Variants in GLI3 observed in about 807,000 individuals in gnomAD.
GLI3 encodes GLI family zinc finger 3.
A neutral mutation model predicts 100.8 loss-of-function variants in GLI3; 20 were observed. That is an observed-to-expected ratio of 0.20 (90% CI 0.14 to 0.29). The LOEUF (loss-of-function observed/expected upper bound fraction) is 0.29, where lower values mean the gene tolerates loss of function less well. GLI3 is among the 10% of genes least tolerant of loss of function. The probability of loss-of-function intolerance (pLI) is 1.00; values close to 1 mark genes in which losing one functional copy is unlikely to be tolerated. For synonymous variants in GLI3, 938 were observed against 860.5 expected (o/e 1.09, Z -1.58); for missense variants, 2,040 against 2,128.5 (o/e 0.96, Z 0.82).
In GLI3 at chr7:42,048,511, C is replaced by A; in HGVS notation, c.659G>T (p.Arg220Leu). 6.2e-7 allele frequency: 1 copy of A among 1,612,566 alleles called. No homozygotes were observed. Among genetic ancestry groups the A allele is most frequent in the African/African-American group, 1.3e-5 (1 of 74,732 alleles). Residue 220 changes from arginine (R) to leucine (L), a missense_variant, in exon 5 of 15, where the codon CGT becomes CTT. By Grantham distance (102) the Arg-to-Leu change is moderately radical (BLOSUM62 -2). This residue lies in a region of GLI3 where 603 missense variants were observed against 690.9 expected (regional missense o/e 0.87). Coordinates refer to ENST00000395925, the MANE Select transcript of GLI3 (RefSeq NM_000168.6). ...SPSLSMISAT[R>L]GLSPTDAPHA... Reference sequence around the variant, plus strand: ...CTTACCATCTGTAGGGCTCAGCCCACGGGTTGCTGAGATCATGGAGAGCGA... The same window carrying A: ...CTTACCATCTGTAGGGCTCAGCCCAAGGGTTGCTGAGATCATGGAGAGCGA...
chr7:42,070,764 G>T (rs913576725), intron 4 of GLI3, among the ~76,000 whole-genome samples: 2 of 151,848 alleles, frequency 1.3e-5, no homozygotes, highest in Admixed American at 6.6e-5. Context: ...ATATTGCTAT[G>T]GTCTTCTTAA....
chr7:42,260,534 A>G (rs1420169042), intron 1 of GLI3, among the ~76,000 whole-genome samples: 2 of 152,212 alleles, frequency 1.3e-5, no homozygotes, highest in Non-Finnish European at 2.9e-5. Flanking sequence ...AAACTAAACA[A>G]TTACCTCTTG....
chr7:42,079,756 T>A (rs1438501111), intron 3 of GLI3, among the ~76,000 whole-genome samples: 1 of 152,230 alleles, frequency 6.6e-6, no homozygotes, highest in Non-Finnish European at 1.5e-5. Context: ...TTCTGCATGA[T>A]GAAATTCTCT....
intron 2 of GLI3, among the ~76,000 whole-genome samples, chr7:42,200,658 G>A (rs1279852077): frequency 6.6e-6 from 1 of 152,158 alleles, no homozygotes; most frequent in African/African-American, 2.4e-5. Context: ...CTGAACAAAT[G>A]CTTCTCATTT....
intron 10 of GLI3, 85 bp downstream of exon 10, chr7:42,023,383 G>T: frequency 7.1e-7 from 1 of 1,414,638 alleles, no homozygotes; most frequent in South Asian, 1.2e-5. Flanking sequence ...TAAGAAACTT[G>T]ACTCAGCTCA....
chr7:41,969,002 C>T (rs189118756), intron 13 of GLI3, among the ~76,000 whole-genome samples: 72 of 152,294 alleles, frequency 4.7e-4, no homozygotes, highest in African/African-American at 1.7e-3. Flanking sequence ...TGCCTCCTCT[C>T]GCTCCCAGGG....
intron 10 of GLI3, among the ~76,000 whole-genome samples, chr7:42,013,499 G>A (rs1253560311): frequency 6.6e-6 from 1 of 151,976 alleles, no homozygotes; most frequent in Non-Finnish European, 1.5e-5. Context: ...AAGTAGCTGG[G>A]ACTACAGGTG....
chr7:42,005,488 CA>C (rs1203622590), intron 10 of GLI3, among the ~76,000 whole-genome samples: 4 of 151,958 alleles, frequency 2.6e-5, no homozygotes, highest in Non-Finnish European at 5.9e-5. Flanking sequence ...CACACACACA[CA>C]CACACACAGA....
intron 3 of GLI3, among the ~76,000 whole-genome samples, chr7:42,132,604 C>T (rs896084764): frequency 6.6e-6 from 1 of 152,124 alleles, no homozygotes; most frequent in African/African-American, 2.4e-5. Context: ...AAATCCATTT[C>T]AAGGAGAAAA....
rs556848833 is a variant in GLI3, at chr7:42,177,628, A to G, written c.125-29160T>C. On this transcript the variant is annotated intron_variant, in intron 2 of 14. Coordinates refer to ENST00000395925, the MANE Select transcript of GLI3 (RefSeq NM_000168.6). ...ATATTCAAAATCCTAAATATGATGG[A>G]AGGAAGATCATCAGTAAGCAGCTTA... Among the ~76,000 whole-genome samples, 29 of 152,310 alleles carry G rather than the reference A, an allele frequency of 1.9e-4. No individual in the cohort carries two copies. The South Asian group carries it at 5.6e-3, about 29-fold the overall frequency.
At chr7:42,041,428 T>G (rs1233659742) in intron 6 of GLI3, among the ~76,000 whole-genome samples, 1 of 152,220 alleles carries the variant, frequency 6.6e-6, no homozygotes, top group Non-Finnish European at 1.5e-5. Flanking sequence ...CCATTCTGCC[T>G]TTTTGAAGGT....
In GLI3 at chr7:41,968,534, G is replaced by A. The variant is rs371504104; in HGVS notation, c.2104-611C>T. On this transcript the variant is annotated intron_variant, in intron 13 of 14. Transcript: ENST00000395925. ...ACAAGAGCCCCTCTAGGCTGTTCAG[G>A]GCTGGTTAGCCAAGCTCTTTGTAAC... 8.5e-5 allele frequency among the ~76,000 whole-genome samples: 13 copies of A among 152,070 alleles called. No homozygotes were observed. In the South Asian group the frequency reaches 2.5e-3, roughly 29 times the overall value.
intron 10 of GLI3, among the ~76,000 whole-genome samples, chr7:42,016,295 C>T (rs146820543): frequency 4.6e-5 from 7 of 152,244 alleles, no homozygotes; most frequent in South Asian, 2.1e-4. Context: ...GAACCCAGAG[C>T]GCCGCTCCAG....
intron 2 of GLI3, among the ~76,000 whole-genome samples, chr7:42,221,579 C>T (rs1217509239): frequency 1.3e-5 from 2 of 152,140 alleles, no homozygotes; most frequent in South Asian, 2.1e-4. Flanking sequence ...CAGGCATGTG[C>T]ACTCACGCAA....
chr7:42,190,351 C>T (rs1787803021), intron 2 of GLI3, among the ~76,000 whole-genome samples: 1 of 152,166 alleles, frequency 6.6e-6, no homozygotes, highest in South Asian at 2.1e-4. Context: ...GAAAGACAGA[C>T]AATACAAGCA....
At chr7:41,973,637 T>C (rs1344722905) in intron 12 of GLI3, among the ~76,000 whole-genome samples, 1 of 152,200 alleles carries the variant, frequency 6.6e-6, no homozygotes, top group Non-Finnish European at 1.5e-5. Flanking sequence ...GAGGATGAGC[T>C]TTTACGTAAG....
At chr7:42,081,257 C>A (rs1348675778) in intron 3 of GLI3, among the ~76,000 whole-genome samples, 1 of 151,890 alleles carries the variant, frequency 6.6e-6, no homozygotes, top group Non-Finnish European at 1.5e-5. Context: ...CAGGTGGGGG[C>A]GGGTCTGTGG....
chr7:42,088,081 G>A (rs1880963), intron 3 of GLI3, among the ~76,000 whole-genome samples: 5,978 of 152,256 alleles, frequency 0.039, 361 homozygotes, highest in African/African-American at 0.14. Context: ...TGGCTCATGG[G>A]AGTACAAGTA....
At chr7:42,119,943 G>A (rs1785955202) in intron 3 of GLI3, among the ~76,000 whole-genome samples, 1 of 152,158 alleles carries the variant, frequency 6.6e-6, no homozygotes, top group African/African-American at 2.4e-5. Context: ...GATGAATCGA[G>A]TCATCCACAC....
Sources: allele counts gnomAD v4.1 joint callset (sites outside exome capture counted in the v4.1 genomes callset), GRCh38; gene constraint gnomAD v4.1.1; regional missense constraint gnomAD v4.1.1; transcripts MANE v1.5; gene names NCBI Gene and HGNC (gene_info 2026-07-23, HGNC 2026-07-21).